The following LIN9 variants were observed in gnomAD, a reference collection of about 807,000 sequenced individuals.
The protein encoded by LIN9 is lin-9 DREAM MuvB core complex component.
Under a neutral mutation model 78.0 loss-of-function variants are expected in LIN9, and 18 were observed. The observed-to-expected ratio is 0.23, with a 90% confidence interval of 0.16 to 0.34. The LOEUF (loss-of-function observed/expected upper bound fraction) is 0.34. LIN9 is among the 10% of genes least tolerant of loss of function. The probability of loss-of-function intolerance (pLI) is 1.00; values close to 1 mark genes in which losing one functional copy is unlikely to be tolerated. For missense variants in LIN9, 451 were observed against 644.1 expected, an observed-to-expected ratio of 0.70 and a Z score of 3.25; for synonymous variants, 192 against 215.2, an observed-to-expected ratio of 0.89 and a Z score of 0.94.
rs531984127 is a variant in LIN9, at chr1:226,286,430, A to C, written c.427T>G (p.Cys143Gly). Residue 143 changes from cysteine to glycine, a missense_variant, in exon 6 of 15, where the codon TGT (cysteine) becomes GGT (glycine). Cys to Gly is a radical substitution (Grantham distance 159). Coordinates refer to ENST00000681046, the MANE Select transcript of LIN9 (RefSeq NM_001366245.2). ...GGAAAAGATTCCTTTAGACATACAC[A>C]GAAGTCATTATCACCTTCAAAAAGT... Reference protein sequence around the residue: ...KPLFEGDNDFCVCLKESFPNL... With the variant: ...KPLFEGDNDFGVCLKESFPNL... The C allele has an allele frequency of 6.2e-7, 1 of 1,601,822 alleles. No homozygotes were observed. The highest frequency in any genetic ancestry group is 1.3e-5 in the African/African-American group (1 of 74,596).
Position 226,267,886 on chromosome 1 carries a change from A to G in LIN9, c.816+71T>C, listed in dbSNP as rs1660033227. 9.0e-6 allele frequency: 13 copies of G among 1,451,520 alleles called. No individual in the cohort carries two copies. The South Asian group carries it at 1.8e-4, about 20-fold the overall frequency. 89.9% of individuals were successfully genotyped at this position (1,451,520 alleles called of 1,614,324 possible). A position where few individuals can be genotyped will look rare whatever the true frequency, so the allele number is the denominator to read the frequency against. ...AGTCTTGATTCTATCATAAAATACG[A>G]TTTCTAAAAAAACTCTATATAACAC... On this transcript the variant is annotated intron_variant, in intron 8 of 14. Coordinates refer to ENST00000681046, the MANE Select transcript of LIN9 (RefSeq NM_001366245.2).
At chr1:226,293,656 T>C (rs1158450100) in intron 4 of LIN9, among the ~76,000 whole-genome samples, 1 of 152,254 alleles carries the variant, frequency 6.6e-6, no homozygotes, top group Non-Finnish European at 1.5e-5. Context: ...CTCGGCTCAC[T>C]GCAACCTCTG....
At chr1:226,293,361 T>C (rs936930468) in intron 4 of LIN9, among the ~76,000 whole-genome samples, 7 of 152,122 alleles carry the variant, frequency 4.6e-5, no homozygotes, top group Non-Finnish European at 8.8e-5. Context: ...GTGGATAGAG[T>C]TGCGACAGGA....
At chr1:226,291,107 T>G (rs1368299994) in intron 4 of LIN9, among the ~76,000 whole-genome samples, 3 of 152,180 alleles carry the variant, frequency 2.0e-5, no homozygotes, top group African/African-American at 7.2e-5. Context: ...AAACTTTAAA[T>G]GTACATAATT....
At chr1:226,277,582 C>A (rs1302787676) in intron 7 of LIN9, among the ~76,000 whole-genome samples, 193 bp downstream of exon 7, 1 of 152,064 alleles carries the variant, frequency 6.6e-6, no homozygotes, top group Non-Finnish European at 1.5e-5. Flanking sequence ...ACTACAGAAC[C>A]CCTACTCCAT....
chr1:226,239,432 C>T (rs1657957524), intron 11 of LIN9, among the ~76,000 whole-genome samples: 1 of 152,174 alleles, frequency 6.6e-6, no homozygotes, highest in African/African-American at 2.4e-5. Flanking sequence ...AGTTGTTAAA[C>T]CGTATGTCCT....
chr1:226,304,412 G>A (rs137914425), intron 1 of LIN9, among the ~76,000 whole-genome samples: 75 of 152,284 alleles, frequency 4.9e-4, no homozygotes, highest in Non-Finnish European at 8.8e-4. Flanking sequence ...TGTTAGGGGC[G>A]AGGGTTACCC....
At chr1:226,300,217 C>T (rs988575847) in intron 2 of LIN9, among the ~76,000 whole-genome samples, 6 of 152,048 alleles carry the variant, frequency 3.9e-5, no homozygotes, top group African/African-American at 9.7e-5. Flanking sequence ...GGATTACAGG[C>T]GTGAGCCACC....
At chr1:226,232,806 G>T (rs975039075) in intron 14 of LIN9, 200 bp from the exon 15 acceptor site, 1 of 497,880 alleles carries the variant, frequency 2.0e-6, no homozygotes, top group East Asian at 3.3e-5. Context: ...GGAGCCACGG[G>T]GGGCTGGAAG....
intron 1 of LIN9, among the ~76,000 whole-genome samples, chr1:226,308,370 G>A (rs1169670996): frequency 6.9e-6 from 1 of 145,128 alleles, no homozygotes; most frequent in Non-Finnish European, 1.5e-5. Flanking sequence ...CACGTACGCT[G>A]TGTTGGTCAC....
Position 226,287,802 on chromosome 1 carries a change from A to C in LIN9, c.265-5T>G. The C allele has an allele frequency of 6.5e-7, 1 of 1,535,974 alleles. No individual in the cohort carries two copies. The highest frequency in any genetic ancestry group is 8.7e-7 in the Non-Finnish European group (1 of 1,151,112). ...TGACATTGTTGCTGTAAATTTCTAT[A>C]CAATAAAAAAAAGAGATTAATTTAT... On this transcript the variant is annotated splice_polypyrimidine_tract_variant and splice_region_variant and intron_variant, in intron 4 of 14. Coordinates refer to ENST00000681046, the MANE Select transcript of LIN9 (RefSeq NM_001366245.2).
intron 10 of LIN9, among the ~76,000 whole-genome samples, chr1:226,251,121 G>C (rs1198779691): frequency 2.0e-5 from 3 of 151,892 alleles, no homozygotes; most frequent in Non-Finnish European, 4.4e-5. Context: ...CAGTGGCACA[G>C]TCTTGGCTCA....
intron 11 of LIN9, among the ~76,000 whole-genome samples, chr1:226,248,307 G>A (rs1026790382): frequency 1.3e-5 from 2 of 152,126 alleles, no homozygotes; most frequent in Non-Finnish European, 2.9e-5. Flanking sequence ...TCTGGATCTA[G>A]GGCCTCTTGT....
chr1:226,290,823 C>T (rs993523115), intron 4 of LIN9, among the ~76,000 whole-genome samples: 6 of 152,046 alleles, frequency 3.9e-5, no homozygotes, highest in African/African-American at 1.4e-4. Flanking sequence ...CTGACACGAT[C>T]GCGGCTCACT....
At chr1:226,299,892 T>C (rs1662407111) in intron 2 of LIN9, among the ~76,000 whole-genome samples, 1 of 152,054 alleles carries the variant, frequency 6.6e-6, no homozygotes, top group Non-Finnish European at 1.5e-5. Context: ...CTTTTATTTT[T>C]ATTTCAAGAC....
chr1:226,285,984 C>A (rs1392817634), intron 6 of LIN9, among the ~76,000 whole-genome samples: 2 of 152,040 alleles, frequency 1.3e-5, no homozygotes, highest in Admixed American at 6.6e-5. Context: ...ACAGCACCTA[C>A]ATTAAAGTTG....
chr1:226,264,702 AG>A (rs1659807218), intron 10 of LIN9, among the ~76,000 whole-genome samples: 1 of 152,094 alleles, frequency 6.6e-6, no homozygotes, highest in Admixed American at 6.6e-5. Flanking sequence ...AAAAAAAATT[AG>A]CCGGGCATAG....
At chr1:226,280,481 T>G (rs1447955670) in intron 6 of LIN9, among the ~76,000 whole-genome samples, 1 of 152,048 alleles carries the variant, frequency 6.6e-6, no homozygotes, top group African/African-American at 2.4e-5. Flanking sequence ...AGTAGTACTA[T>G]AAAAACAGAC....
At chr1:226,239,411 A>G (rs145148830) in intron 11 of LIN9, among the ~76,000 whole-genome samples, 3 of 152,342 alleles carry the variant, frequency 2.0e-5, no homozygotes, top group African/African-American at 7.2e-5. Flanking sequence ...CAACTTTTTC[A>G]TAGGATTGTT....
Sources: allele counts gnomAD v4.1 joint callset (sites outside exome capture counted in the v4.1 genomes callset), GRCh38; gene constraint gnomAD v4.1.1; transcripts MANE v1.5; gene names NCBI Gene and HGNC (gene_info 2026-07-23, HGNC 2026-07-21).